SLC23A2: variants seen among roughly 807,000 people sequenced by gnomAD.
SLC23A2 encodes Na(+)/L-ascorbic acid transporter 2.
SLC23A2 carries 36 observed loss-of-function variants against 73.3 expected under a neutral mutation model. That is an observed-to-expected ratio of 0.49 (90% confidence interval 0.38 to 0.65). The LOEUF (loss-of-function observed/expected upper bound fraction) is 0.65. SLC23A2 is among the 30% of genes least tolerant of loss of function. The pLI is 0.00. For missense variants in SLC23A2, 507 were observed against 841.6 expected, an observed-to-expected ratio of 0.60 and a Z score of 4.92; for synonymous variants, 343 against 327.3, an observed-to-expected ratio of 1.05 and a Z score of -0.52.
chr20:4,877,675 A>C (rs1284473705), intron 9 of SLC23A2, among the ~76,000 whole-genome samples: 1 of 152,202 alleles, frequency 6.6e-6, no homozygotes, highest in Non-Finnish European at 1.5e-5. Flanking sequence ...ACTGAATTGG[A>C]GGGAGCTGAA....
At chr20:4,938,204 A>T (rs919129865) in intron 2 of SLC23A2, among the ~76,000 whole-genome samples, 1 of 151,796 alleles carries the variant, frequency 6.6e-6, no homozygotes, top group East Asian at 1.9e-4. Flanking sequence ...GTTTTTGTAG[A>T]GATGAGGTTT....
At chr20:4,888,066 AC>A (rs1377293876) in intron 6 of SLC23A2, among the ~76,000 whole-genome samples, 4 of 152,190 alleles carry the variant, frequency 2.6e-5, no homozygotes, top group Non-Finnish European at 4.4e-5. Flanking sequence ...GACCAGGTAA[AC>A]CTCAGGCACC....
chr20:4,948,273 C>G (rs2087147460), intron 2 of SLC23A2, among the ~76,000 whole-genome samples: 1 of 152,206 alleles, frequency 6.6e-6, no homozygotes, highest in Admixed American at 6.5e-5. Flanking sequence ...TCCACTTTGC[C>G]TCTATTTCCT....
intron 13 of SLC23A2, among the ~76,000 whole-genome samples, chr20:4,864,759 A>G (rs2122780367): frequency 6.6e-6 from 1 of 152,138 alleles, no homozygotes; most frequent in South Asian, 2.1e-4. Flanking sequence ...AGAGTTGGGG[A>G]GGGTTGTTGG....
chr20:4,893,556 A>G (rs1031160848), intron 6 of SLC23A2, among the ~76,000 whole-genome samples: 4 of 152,126 alleles, frequency 2.6e-5, no homozygotes, highest in Admixed American at 2.6e-4. Flanking sequence ...TCCTGGAGCC[A>G]CCCCTTGTAC....
intron 2 of SLC23A2, among the ~76,000 whole-genome samples, chr20:4,950,107 G>C (rs1207435567): frequency 7.2e-5 from 11 of 152,180 alleles, no homozygotes. Context: ...CTCTATTATG[G>C]TTTCCTTAAC....
At chr20:4,877,254 CATT>C (rs1270073727) in intron 9 of SLC23A2, among the ~76,000 whole-genome samples, 1 of 152,146 alleles carries the variant, frequency 6.6e-6, no homozygotes, top group Non-Finnish European at 1.5e-5. Flanking sequence ...ACTGTATCAT[CATT>C]GCTTCTAATA....
chr20:4,922,536 A>G (rs1466031455), intron 3 of SLC23A2, among the ~76,000 whole-genome samples: 2 of 152,190 alleles, frequency 1.3e-5, no homozygotes, highest in African/African-American at 2.4e-5. Flanking sequence ...ACAGAAATTA[A>G]GAGGTGAGAG....
At chr20:4,963,121 ATG>A (rs2087419430) in intron 2 of SLC23A2, among the ~76,000 whole-genome samples, 1 of 152,212 alleles carries the variant, frequency 6.6e-6, no homozygotes, top group Non-Finnish European at 1.5e-5. Context: ...CACCTGGAGA[ATG>A]TAAATATCAA....
In SLC23A2 at chr20:4,863,239, T is replaced by C. The variant is rs1930053056; in HGVS notation, c.1357-332A>G. On this transcript the variant is annotated intron_variant, in intron 13 of 16. Transcript: ENST00000338244. The surrounding 1 kb of genome is among the most constrained non-coding windows in gnomAD (Gnocchi z 4.8). ...CGGCACCACATGTCACCAAGGCAAT[T>C]TCCCCCAAAGTGCTTCAGCCTCAAT... is the stretch of plus-strand genomic sequence containing the variant. Among the ~76,000 whole-genome samples the C allele has an allele frequency of 6.6e-6, 1 of 152,070 alleles. No homozygotes were observed. Among genetic ancestry groups the C allele is most frequent in the African/African-American group, 2.4e-5 (1 of 41,378 alleles).
At chr20:4,939,788 A>T (rs1864213226) in intron 2 of SLC23A2, among the ~76,000 whole-genome samples, 1 of 152,226 alleles carries the variant, frequency 6.6e-6, no homozygotes, top group African/African-American at 2.4e-5. Flanking sequence ...AATAACGTTA[A>T]ATACTTAAGG....
chr20:4,879,219 C>A (rs997474099), intron 9 of SLC23A2, among the ~76,000 whole-genome samples: 2 of 151,770 alleles, frequency 1.3e-5, no homozygotes. Context: ...CCAGTCTGGC[C>A]AACATGGTGA....
intron 6 of SLC23A2, among the ~76,000 whole-genome samples, chr20:4,893,746 G>A (rs1259809801): frequency 2.6e-5 from 4 of 152,200 alleles, no homozygotes; most frequent in African/African-American, 9.6e-5. Flanking sequence ...AACATGCTGT[G>A]TGCCTACAGC....
At chr20:4,925,112 G>A (rs2122925386) in intron 3 of SLC23A2, among the ~76,000 whole-genome samples, 1 of 152,134 alleles carries the variant, frequency 6.6e-6, no homozygotes, top group South Asian at 2.1e-4. Flanking sequence ...AAACCCAGGA[G>A]GTTGAGGCTG....
intron 1 of SLC23A2, among the ~76,000 whole-genome samples, chr20:4,979,990 C>A (rs1157909426): frequency 6.6e-6 from 1 of 151,724 alleles, no homozygotes; most frequent in Non-Finnish European, 1.5e-5. Context: ...CAAAAAAAAC[C>A]ACAATAAGCC....
At chr20:4,963,509 A>G (rs2087425197) in intron 2 of SLC23A2, among the ~76,000 whole-genome samples, 1 of 151,658 alleles carries the variant, frequency 6.6e-6, no homozygotes, top group Admixed American at 6.6e-5. Flanking sequence ...TGTGTTGCCA[A>G]TAGGAATATG....
At chr20:4,877,686 A>G (rs1930713218) in intron 9 of SLC23A2, among the ~76,000 whole-genome samples, 1 of 152,214 alleles carries the variant, frequency 6.6e-6, no homozygotes, top group Admixed American at 6.5e-5. Context: ...GGGAGCTGAA[A>G]AACAGTGGGA....
intron 1 of SLC23A2, among the ~76,000 whole-genome samples, chr20:5,000,191 A>G (rs2088094736): frequency 6.6e-6 from 1 of 152,150 alleles, no homozygotes; most frequent in Non-Finnish European, 1.5e-5. Flanking sequence ...TATACATCTC[A>G]CCAGGTTCAA....
At chr20:5,003,749 C>G (rs2088160138), upstream of SLC23A2, among the ~76,000 whole-genome samples, 1 of 152,064 alleles carries the variant, frequency 6.6e-6, no homozygotes, top group Non-Finnish European at 1.5e-5. Flanking sequence ...AGCCGTCCTG[C>G]CTGCCTTCCT....
Sources: gnomAD v4.1 joint callset for allele counts (sites outside exome capture counted in the v4.1 genomes callset) on GRCh38, gnomAD v4.1.1 for gene constraint, Gnocchi (gnomAD v3.1) non-coding constraint, MANE v1.5 for transcripts, NCBI Gene and HGNC (gene_info 2026-07-23, HGNC 2026-07-21) for gene names.